SASH1: variants seen among roughly 807,000 people sequenced by gnomAD.
The protein encoded by SASH1 is SAM and SH3 domain containing 1, also known as SAM and SH3 domain-containing protein 1.
In SASH1, 44 loss-of-function variants were observed where a neutral mutation model predicts 125.2. The observed-to-expected ratio is 0.35, with a 90% CI of 0.28 to 0.45. The LOEUF is 0.45. Among genes scored for constraint, SASH1 ranks in the 20% least tolerant of loss-of-function variants. The pLI is 1.00. For synonymous variants in SASH1, 639 were observed against 649.1 expected, an observed-to-expected ratio of 0.98 and a Z score of 0.24; for missense variants, 1,426 against 1,614.5, an observed-to-expected ratio of 0.88 and a Z score of 2.00.
chr6:148,388,284 G>A (rs1045334592), intron 1 of SASH1, among the ~76,000 whole-genome samples: 28 of 151,848 alleles, frequency 1.8e-4, no homozygotes, highest in African/African-American at 6.6e-4. Context: ...TGAGGGCCAC[G>A]GTGCATGTCC....
intron 7 of SASH1, among the ~76,000 whole-genome samples, chr6:148,475,602 T>C (rs1349682777): frequency 6.6e-6 from 1 of 152,152 alleles, no homozygotes; most frequent in Non-Finnish European, 1.5e-5. Flanking sequence ...ACCATGACCT[T>C]GGGGAGAAAC....
rs924988585 is a variant in SASH1 at position 148,495,008 on chromosome 6, G to A, written c.729+7293G>A. ...CCAGGTTTTACTTAGAGTTTTCAAT[G>A]TCCTTTCACCAGCCTCAATAACAGA... On this transcript the variant is annotated intron_variant, in intron 8 of 19. Coordinates refer to ENST00000367467, the MANE Select transcript of SASH1 (RefSeq NM_015278.5). This position sits in a 1 kb window ranked among gnomAD's most constrained non-coding sequence, Gnocchi z 4.0. 3.3e-5 allele frequency among the ~76,000 whole-genome samples: 5 copies of A among 152,282 alleles called. No homozygotes were observed. Among genetic ancestry groups the A allele is most frequent in the Middle Eastern group, 3.4e-3 (1 of 294 alleles).
At chr6:148,357,522 G>A (rs1283359079) in intron 1 of SASH1, among the ~76,000 whole-genome samples, 1 of 152,124 alleles carries the variant, frequency 6.6e-6, no homozygotes, top group African/African-American at 2.4e-5. Flanking sequence ...TTTCCACCCA[G>A]GCTCCCTGGA....
At chr6:148,524,111 A>T (rs867837817) in intron 10 of SASH1, among the ~76,000 whole-genome samples, 1 of 89,538 alleles carries the variant, frequency 1.1e-5, no homozygotes, top group South Asian at 3.2e-4. Flanking sequence ...ATATATATAT[A>T]TATATATATA....
chr6:148,503,857 C>T (rs184457503), intron 8 of SASH1, among the ~76,000 whole-genome samples: 1 of 151,876 alleles, frequency 6.6e-6, no homozygotes, highest in Admixed American at 6.6e-5. Context: ...AAGGCATAAA[C>T]CAAAATATTA....
intron 2 of SASH1, chr6:148,393,681 G>A (rs921984921): frequency 2.6e-5 from 26 of 984,454 alleles, no homozygotes; most frequent in East Asian, 1.1e-4. Context: ...CTAATTTGGC[G>A]TGCTCTGTTC....
At chr6:148,389,993 T>C (rs995487658) in intron 1 of SASH1, 141 bp from the exon 2 acceptor site, 3 of 946,918 alleles carry the variant, frequency 3.2e-6, no homozygotes, top group South Asian at 3.2e-5. Flanking sequence ...AGATCCTGCA[T>C]GTAAAACAAC....
chr6:148,352,889 G>T (rs556181433), intron 1 of SASH1, among the ~76,000 whole-genome samples: 3 of 152,002 alleles, frequency 2.0e-5, no homozygotes, highest in Admixed American at 2.0e-4. Context: ...AGAATTGCTT[G>T]AACCTGGGAG....
the SASH1 span, among the ~76,000 whole-genome samples, chr6:148,200,198 C>T: frequency 6.6e-6 from 1 of 152,252 alleles, no homozygotes; most frequent in Middle Eastern, 3.4e-3. Flanking sequence ...TTGAAGATGT[C>T]CCAAATTTCT....
the SASH1 span, among the ~76,000 whole-genome samples, chr6:148,234,328 C>CT: frequency 0.18 from 25,846 of 146,286 alleles, 2,231 homozygotes; most frequent in Middle Eastern, 0.23. Context: ...CTTAGCAAAG[C>CT]TTTTTTTTTT....
At chr6:148,231,750 A>G in the SASH1 span, among the ~76,000 whole-genome samples, 4 of 152,200 alleles carry the variant, frequency 2.6e-5, no homozygotes, top group Admixed American at 2.0e-4. Context: ...AAACTCATTC[A>G]TAAATAACTC....
chr6:148,284,767 T>C lies in SASH1; in HGVS notation n.74+12390T>C, dbSNP rs550637667. ...TTCTTCTTTGTTGGACTTTTAATGT[T>C]ATTTCAAGATTTTCAAATTTAAACA... On this transcript the variant is annotated intron_variant and non_coding_transcript_variant, in intron 1 of 3. Coordinates refer to the SASH1 transcript ENST00000367469. 7.9e-5 allele frequency among the ~76,000 whole-genome samples: 12 copies of C among 152,324 alleles called. No individual in the cohort carries two copies. The South Asian group carries it at 2.3e-3, about 29-fold the overall frequency.
rs181974765 is a variant in SASH1, at chr6:148,492,601, T to C, written c.729+4886T>C. ...GGGAGGCTGAGGCAGGCGGATTACC[T>C]GAGGTCAGGAGTTCAAGACCATCCA... On this transcript the variant is annotated intron_variant, in intron 8 of 19. Transcript: ENST00000367467. Among the ~76,000 whole-genome samples the C allele has an allele frequency of 2.8e-4, 42 of 152,260 alleles. 1 individual carries two copies. The highest frequency in any genetic ancestry group is 1.5e-5 in the Non-Finnish European group (1 of 68,024).
chr6:148,542,452 T>C (rs1168643183), intron 17 of SASH1, among the ~76,000 whole-genome samples: 1 of 152,190 alleles, frequency 6.6e-6, no homozygotes, highest in Admixed American at 6.5e-5. Context: ...AGTGGCGCGA[T>C]CTTGGCTCAC....
In SASH1 at chr6:148,325,338, G is replaced by A. The variant is rs1020527717; in HGVS notation, n.74+52961G>A. Reference sequence around the variant, plus strand: ...TTGCCCAGGCTGGAGTGCAAGTGTCGCGATTTTGGCTCACTGCAACCTCTG... The same window carrying A: ...TTGCCCAGGCTGGAGTGCAAGTGTCACGATTTTGGCTCACTGCAACCTCTG... On this transcript the variant is annotated intron_variant and non_coding_transcript_variant, in intron 1 of 3. Coordinates refer to the SASH1 transcript ENST00000367469. Among the ~76,000 whole-genome samples, 17 of 151,932 alleles carry A rather than the reference G, an allele frequency of 1.1e-4. No homozygotes were observed. The East Asian group carries it at 1.6e-3, about 14-fold the overall frequency.
chr6:148,447,856 C>G (rs908310457), intron 4 of SASH1, among the ~76,000 whole-genome samples: 4 of 152,134 alleles, frequency 2.6e-5, no homozygotes, highest in African/African-American at 9.7e-5. Context: ...GTTTCTCAGA[C>G]AGGCCCTATT....
Position 148,525,365 on chromosome 6 carries a change from G to C in SASH1, c.1284G>C (p.Met428Ile). 2.5e-6 allele frequency: 4 copies of C among 1,612,520 alleles called. No individual in the cohort carries two copies. In the East Asian group the frequency reaches 8.9e-5, roughly 36 times the overall value. Residue 428 changes from methionine (M) to isoleucine (I), a missense_variant and splice_region_variant, in exon 11 of 20, where the codon ATG becomes ATC. Coordinates refer to ENST00000367467, the MANE Select transcript of SASH1 (RefSeq NM_015278.5). ...TTGGCAGTAATAATTCTGACCCAAT[G>C]GTGAGTAACATCAGAGGAAAGCAAA... is the stretch of plus-strand genomic sequence containing the variant. ...LHVGSNNSDP[M>I]GKEGDFVYKE...
chr6:148,534,804 G>A lies in SASH1; in HGVS notation c.1998G>A (p.Lys666=), dbSNP rs1379248772. The stretch of plus-strand genomic sequence containing the variant: ...GATATGAAGATTTGGACACCTTTAA[G>A]CTGCTGGAGGAGGAAGACTTGGATG... ...FNGYEDLDTF[K]LLEEEDLDEL... The change falls in exon 16 of 20, where the codon AAG becomes AAA. Residue 666 remains lysine (K), a synonymous_variant. Coordinates refer to ENST00000367467, the MANE Select transcript of SASH1 (RefSeq NM_015278.5). The A allele has an allele frequency of 6.2e-7, 1 of 1,614,210 alleles. No individual in the cohort carries two copies. Among genetic ancestry groups the A allele is most frequent in the Non-Finnish European group, 8.5e-7 (1 of 1,180,038 alleles).
chr6:148,494,541 C>T (rs1037240255), intron 8 of SASH1, among the ~76,000 whole-genome samples: 12 of 152,050 alleles, frequency 7.9e-5, no homozygotes, highest in African/African-American at 2.2e-4. Flanking sequence ...GCAGGAGAGT[C>T]GCTTGAACCC....
Sources: gnomAD v4.1 joint callset for allele counts (sites outside exome capture counted in the v4.1 genomes callset) on GRCh38, gnomAD v4.1.1 for gene constraint, Gnocchi (gnomAD v3.1) non-coding constraint, MANE v1.5 for transcripts, NCBI Gene and HGNC (gene_info 2026-07-23, HGNC 2026-07-21) for gene names.